Variants in DSG4 observed in about 807,000 individuals in gnomAD.
DSG4 encodes desmoglein-4.
A neutral mutation model predicts 93.1 loss-of-function variants in DSG4; 87 were observed. That is an observed-to-expected ratio of 0.93 (90% CI 0.79 to 1.12). DSG4 has a LOEUF of 1.12. Ranked by LOEUF, DSG4 falls within the 50% of genes most tolerant of loss-of-function variation. The pLI is 0.00. For missense variants in DSG4, 1,373 were observed against 1,285.7 expected (o/e 1.07, Z -1.04); for synonymous variants, 432 against 452.9 (o/e 0.95, Z 0.59).
In DSG4 at chr18:31,401,006, T is replaced by C. The variant is rs370459837; in HGVS notation, c.1403T>C (p.Ile468Thr). ...YIINGIYTAE[I>T]LAIDDGSGKT... is the part of the protein sequence containing the mutation. ...ATCAATGGGATATACACAGCAGAGA[T>C]CCTGGCTATAGATGGTAAGAAAATT... Residue 468 changes from isoleucine (I) to threonine (T), a missense_variant, in exon 10 of 16, where the codon ATC (isoleucine) becomes ACC (threonine). Coordinates refer to ENST00000308128, the MANE Select transcript of DSG4 (RefSeq NM_177986.5). 6.2e-7 allele frequency: 1 copy of C among 1,603,432 alleles called. No homozygotes were observed. Among genetic ancestry groups the C allele is most frequent in the African/African-American group, 1.3e-5 (1 of 74,550 alleles).
Position 31,413,765 on chromosome 18 carries a change from A to C in DSG4, c.*170A>C. 1.2e-6 allele frequency: 1 copy of C among 856,528 alleles called. No homozygotes were observed. Among genetic ancestry groups the C allele is most frequent in the Non-Finnish European group, 1.8e-6 (1 of 568,704 alleles). 53.1% of individuals were successfully genotyped at this position (856,528 alleles called of 1,614,324 possible). A position where few individuals can be genotyped will look rare whatever the true frequency, so the allele number is the denominator to read the frequency against. On this transcript the variant is annotated 3_prime_UTR_variant, in exon 16 of 16. Coordinates refer to ENST00000308128, the MANE Select transcript of DSG4 (RefSeq NM_177986.5). Reference sequence around the variant, plus strand: ...ATTTTGAGGGTGAATATGGCTAGGCACTTTAGATAAGCCTTTTTAAAATTC... The same window carrying C: ...ATTTTGAGGGTGAATATGGCTAGGCCCTTTAGATAAGCCTTTTTAAAATTC...
intron 1 of DSG4, among the ~76,000 whole-genome samples, chr18:31,378,965 C>T (rs939386958): frequency 1.3e-5 from 2 of 152,148 alleles, no homozygotes; most frequent in Admixed American, 6.6e-5. Context: ...GGTGTGGCAG[C>T]CTCTCAGAGA....
At chr18:31,388,753 T>C (rs952135521) in intron 4 of DSG4, 121 bp from the exon 5 acceptor site, 3 of 1,454,116 alleles carry the variant, frequency 2.1e-6, no homozygotes, top group African/African-American at 1.4e-5. Context: ...ATTATTTGAC[T>C]GTACTACAGT....
chr18:31,411,478 G>T, intron 15 of DSG4, 30 bp downstream of exon 15: 1 of 1,608,132 alleles, frequency 6.2e-7, no homozygotes, highest in Non-Finnish European at 8.5e-7. Flanking sequence ...ACATAAAATC[G>T]TCTTGAGATT....
chr18:31,412,873 G>C lies in DSG4; in HGVS notation c.2401G>C (p.Asp801His), dbSNP rs1193764481. Residue 801 changes from aspartate to histidine, a missense_variant, in exon 16 of 16, where the codon GAC becomes CAC. Coordinates refer to ENST00000308128, the MANE Select transcript of DSG4 (RefSeq NM_177986.5). ...ADEDEGRPAN[D>H]CLLIYDHEGV... Reference sequence around the variant, plus strand: ...TGAAGATGAAGGTCGACCAGCCAATGACTGCTTGCTCATTTATGACCACGA... The same window carrying C: ...TGAAGATGAAGGTCGACCAGCCAATCACTGCTTGCTCATTTATGACCACGA... 1 of 1,614,194 alleles carries C rather than the reference G, an allele frequency of 6.2e-7. No homozygotes were observed. Among genetic ancestry groups the C allele is most frequent in the Non-Finnish European group, 8.5e-7 (1 of 1,180,028 alleles).
chr18:31,383,163 G>A (rs923707421), intron 1 of DSG4, among the ~76,000 whole-genome samples: 1 of 152,200 alleles, frequency 6.6e-6, no homozygotes, highest in Non-Finnish European at 1.5e-5. Flanking sequence ...AGCATTTGCT[G>A]TGCCTATCAC....
chr18:31,412,798 T>C (rs1473092797), intron 15 of DSG4, 30 bp from the exon 16 acceptor site: 3 of 1,612,748 alleles, frequency 1.9e-6, no homozygotes, highest in East Asian at 2.2e-5. Context: ...AAAAAGAAAT[T>C]TCTAATTCTG....
At chr18:31,406,877 A>C (rs1408407097) in intron 12 of DSG4, among the ~76,000 whole-genome samples, 1 of 151,916 alleles carries the variant, frequency 6.6e-6, no homozygotes, top group East Asian at 1.9e-4. Flanking sequence ...TCCCAGGTTC[A>C]AATGATTCTC....
chr18:31,403,664 C>A, intron 11 of DSG4, 30 bp downstream of exon 11: 1 of 1,607,852 alleles, frequency 6.2e-7, no homozygotes. Context: ...GTTTTTTGGA[C>A]TTTAAGTCCA....
chr18:31,401,966 T>C (rs963836717), intron 10 of DSG4, among the ~76,000 whole-genome samples: 7 of 152,100 alleles, frequency 4.6e-5, no homozygotes, highest in Non-Finnish European at 8.8e-5. Flanking sequence ...CCTGGGTCAG[T>C]TTTATAAATA....
chr18:31,413,169 C>T lies in DSG4; in HGVS notation c.2697C>T (p.Pro899=). The T allele has an allele frequency of 6.2e-7, 1 of 1,614,114 alleles. No homozygotes were observed. Among genetic ancestry groups the T allele is most frequent in the Non-Finnish European group, 8.5e-7 (1 of 1,180,026 alleles). ...EFQEEMAASE[P]VVHGDIIVTE... is the part of the protein sequence containing the mutation. ...AAGAAGAAATGGCAGCATCTGAACC[C>T]GTGGTCCATGGGGATATTATTGTGA... Residue 899 remains proline (P), a synonymous_variant, in exon 16 of 16, where the codon CCC becomes CCT. Coordinates refer to ENST00000308128, the MANE Select transcript of DSG4 (RefSeq NM_177986.5).
rs7228968 is a variant in DSG4 at position 31,390,970 on chromosome 18, A to T, written c.685-108A>T. On this transcript the variant is annotated intron_variant, in intron 6 of 15. Transcript: ENST00000308128. ...AAAAATTAAAAGCTCAATTATATAA[A>T]TTTCATTGGATATGTAAATAAAAGA... is the stretch of plus-strand genomic sequence containing the variant. The T allele has an allele frequency of 4.5e-4, 689 of 1,519,398 alleles. 8 individuals are homozygous for T. In the African/African-American group the frequency reaches 7.8e-3, roughly 17 times the overall value. The allele number at this position is 1,519,398 out of a possible 1,614,324, so 94.1% of individuals were successfully genotyped here. A position where few individuals can be genotyped will look rare whatever the true frequency, so the allele number is the denominator to read the frequency against.
intron 4 of DSG4, 152 bp from the exon 5 acceptor site, chr18:31,388,722 A>C: frequency 3.8e-6 from 5 of 1,304,802 alleles, no homozygotes; most frequent in Non-Finnish European, 5.4e-6. Flanking sequence ...ACATGTAGTC[A>C]AGTGTCCTGA....
chr18:31,378,186 A>G (rs1304558924), intron 1 of DSG4, among the ~76,000 whole-genome samples: 1 of 152,248 alleles, frequency 6.6e-6, no homozygotes, highest in Non-Finnish European at 1.5e-5. Flanking sequence ...TTTTTGAAAA[A>G]TATTTTTAAA....
At position 31,386,684 on chromosome 18, in the gene DSG4, T is replaced by C; in HGVS notation, c.85-4T>C. On this transcript the variant is annotated splice_region_variant and splice_polypyrimidine_tract_variant and intron_variant, in intron 2 of 15. Transcript: ENST00000308128. ...GTAAGACACCTGAACCATTTTTGCT[T>C]AAGGTGAAGGAATTTGACATTGAAA... is the stretch of plus-strand genomic sequence containing the variant. The C allele has an allele frequency of 6.2e-7, 1 of 1,612,910 alleles. No individual in the cohort carries two copies.
chr18:31,407,329 C>T (rs930590719), intron 12 of DSG4, among the ~76,000 whole-genome samples: 11 of 152,220 alleles, frequency 7.2e-5, no homozygotes, highest in Admixed American at 5.9e-4. Context: ...GGTGACCCTG[C>T]GGTAGGAAGC....
rs144448853 is a variant in DSG4 at position 31,394,717 on chromosome 18, G to A, written c.1005+2377G>A. Among the ~76,000 whole-genome samples the A allele has an allele frequency of 1.6e-3, 236 of 150,076 alleles. 1 individual carries two copies. Among genetic ancestry groups the A allele is most frequent in the African/African-American group, 5.6e-3 (229 of 40,988 alleles). ...AAAAGGAATGGGTATAGGAGACATT[G>A]CCAAATACAATACAAAGAGGAATAG... On this transcript the variant is annotated intron_variant, in intron 8 of 15. Transcript: ENST00000308128.
Position 31,388,430 on chromosome 18 carries a change from C to T in DSG4, c.280C>T (p.Arg94Ter), listed in dbSNP as rs763569094. 1.4e-5 allele frequency: 22 copies of T among 1,613,382 alleles called. No individual in the cohort carries two copies. The African/African-American group carries it at 2.4e-4, about 18-fold the overall frequency. Residue 94 changes from arginine (R) to a stop codon, truncating the protein, a stop_gained, in exon 4 of 16, where the codon CGA (arginine) becomes TGA (stop). Coordinates refer to ENST00000308128, the MANE Select transcript of DSG4 (RefSeq NM_177986.5). LOFTEE classifies it high-confidence loss of function. ...TYRISGVGID[R>*]PPYGVFTINP... ...CCGGATTTCTGGAGTAGGGATTGATCGACCACCATATGGGGTATTCACCAT... is the reference window on the plus strand; with the variant it reads ...CCGGATTTCTGGAGTAGGGATTGATTGACCACCATATGGGGTATTCACCAT...
intron 12 of DSG4, among the ~76,000 whole-genome samples, chr18:31,409,174 G>T (rs1011591146): frequency 6.6e-6 from 1 of 152,120 alleles, no homozygotes; most frequent in Non-Finnish European, 1.5e-5. Context: ...GACTAAAGAC[G>T]ACCTTACTTT....
Sources: allele counts gnomAD v4.1 joint callset (sites outside exome capture counted in the v4.1 genomes callset), GRCh38; gene constraint gnomAD v4.1.1; transcripts MANE v1.5; gene names NCBI Gene and HGNC (gene_info 2026-07-23, HGNC 2026-07-21).